Variants in NAALADL2 observed in about 807,000 individuals in gnomAD.
The protein encoded by NAALADL2 is N-acetylated alpha-linked acidic dipeptidase like 2.
NAALADL2 carries 76 observed loss-of-function variants against 87.2 expected under a neutral mutation model. That is an observed-to-expected ratio of 0.87 (90% CI 0.72 to 1.05). The LOEUF (loss-of-function observed/expected upper bound fraction) is 1.05. Ranked by LOEUF, NAALADL2 falls within the 50% of genes least tolerant of loss-of-function variation. The probability of loss-of-function intolerance (pLI) is 0.00; values close to 1 mark genes in which losing one functional copy is unlikely to be tolerated. For synonymous variants in NAALADL2, 354 were observed against 331.0 expected (o/e 1.07, Z -0.75); for missense variants, 1,089 against 945.8 (o/e 1.15, Z -1.99).
chr3:175,577,503 G>T (rs1719070383), intron 10 of NAALADL2, among the ~76,000 whole-genome samples: 1 of 152,160 alleles, frequency 6.6e-6, no homozygotes. Flanking sequence ...AGGATCTGAG[G>T]TGTTAATAGG....
At chr3:175,440,060 G>A (rs748945387) in intron 5 of NAALADL2, among the ~76,000 whole-genome samples, 1 of 152,094 alleles carries the variant, frequency 6.6e-6, no homozygotes. Flanking sequence ...GTTGATTTTT[G>A]TATAAGATGA....
chr3:175,568,931 AAC>A (rs1717626295), intron 9 of NAALADL2, among the ~76,000 whole-genome samples: 1 of 152,216 alleles, frequency 6.6e-6, no homozygotes, highest in African/African-American at 2.4e-5. Flanking sequence ...ATGATATAAA[AAC>A]ATGATTTTAT....
intron 1 of NAALADL2, among the ~76,000 whole-genome samples, chr3:174,939,314 C>A (rs1738217059): frequency 6.6e-6 from 1 of 151,816 alleles, no homozygotes; most frequent in Non-Finnish European, 1.5e-5. Context: ...ATCAGGTGGT[C>A]ATAGGTATGT....
At chr3:174,654,501 G>A (rs985281255) in intron 2 of NAALADL2, among the ~76,000 whole-genome samples, 11 of 151,996 alleles carry the variant, frequency 7.2e-5, no homozygotes, top group African/African-American at 2.7e-4. Flanking sequence ...ATAATTGTCA[G>A]ATAGATGAGA....
intron 2 of NAALADL2, among the ~76,000 whole-genome samples, chr3:175,143,902 T>C (rs7651841): frequency 0.29 from 44,415 of 151,600 alleles, 6,601 homozygotes; most frequent in Middle Eastern, 0.38. Context: ...TCTACTTCAC[T>C]ATGCTGGCTT....
intron 2 of NAALADL2, among the ~76,000 whole-genome samples, chr3:174,669,638 CTG>C (rs1726331046): frequency 6.6e-6 from 1 of 152,014 alleles, no homozygotes. Flanking sequence ...GTTTTGAGGA[CTG>C]TAGCTTTCTG....
chr3:175,203,087 C>T (rs1740299992), intron 2 of NAALADL2, among the ~76,000 whole-genome samples: 1 of 152,094 alleles, frequency 6.6e-6, no homozygotes, highest in African/African-American at 2.4e-5. Flanking sequence ...CTTGGTTCTT[C>T]CCACACCTAT....
chr3:175,444,432 C>G (rs140943499), intron 5 of NAALADL2, among the ~76,000 whole-genome samples: 39 of 152,264 alleles, frequency 2.6e-4, no homozygotes, highest in Non-Finnish European at 1.5e-4. Context: ...AGGCTCATCA[C>G]TTTTGGCTGA....
rs1754982494 is a variant in NAALADL2 at position 175,809,498 on chromosome 3, A to G, written c.*6295A>G. The G allele has an allele frequency of 7.6e-6, 1 of 131,270 alleles. No individual in the cohort carries two copies. Among genetic ancestry groups the G allele is most frequent in the African/African-American group, 2.9e-5 (1 of 34,820 alleles). 8.1% of individuals were successfully genotyped at this position (131,270 alleles called of 1,614,324 possible). ...AAAATAGCCTGGGCAACAAAGTGAG[A>G]CCCTGTCTCTCTTAAAAAAAAAAAA... On this transcript the variant is annotated 3_prime_UTR_variant, in exon 14 of 14. Coordinates refer to ENST00000454872, the MANE Select transcript of NAALADL2 (RefSeq NM_207015.3).
chr3:174,975,838 A>G (rs763796839), intron 1 of NAALADL2, among the ~76,000 whole-genome samples: 8 of 152,202 alleles, frequency 5.3e-5, no homozygotes, highest in Non-Finnish European at 8.8e-5. Context: ...AACCACAAGG[A>G]ACTAAATTCT....
At chr3:175,307,086 T>C (rs1410312668) in intron 4 of NAALADL2, among the ~76,000 whole-genome samples, 1 of 152,168 alleles carries the variant, frequency 6.6e-6, no homozygotes, top group African/African-American at 2.4e-5. Flanking sequence ...TTTTCCATTT[T>C]AAAATTTGTT....
intron 2 of NAALADL2, among the ~76,000 whole-genome samples, chr3:175,208,716 T>C (rs1741328803): frequency 6.6e-6 from 1 of 152,162 alleles, no homozygotes; most frequent in Non-Finnish European, 1.5e-5. Context: ...GGTTGAACTA[T>C]AAAACTCAAT....
At position 174,588,494 on chromosome 3, in the gene NAALADL2, C is replaced by G. The variant is rs185538195; in HGVS notation, c.-115+37857C>G. On this transcript the variant is annotated intron_variant, in intron 2 of 3. Transcript: ENST00000434257. Reference sequence around the variant, plus strand: ...TCAGCTTTTCTGCTCTGGTTTTTCCCCATCTTCATTGTTTTATCTACCTTT... The same window carrying G: ...TCAGCTTTTCTGCTCTGGTTTTTCCGCATCTTCATTGTTTTATCTACCTTT... Among the ~76,000 whole-genome samples the G allele has an allele frequency of 4.5e-4, 69 of 152,248 alleles. 1 individual carries two copies. The highest frequency in any genetic ancestry group is 5.0e-4 in the Non-Finnish European group (34 of 68,014).
chr3:174,587,735 C>T (rs1007244318), intron 2 of NAALADL2, among the ~76,000 whole-genome samples: 3 of 152,130 alleles, frequency 2.0e-5, no homozygotes, highest in African/African-American at 4.8e-5. Flanking sequence ...GAGTTTCTGC[C>T]GAGAGATCCA....
At chr3:174,967,887 A>G (rs931212188) in intron 1 of NAALADL2, among the ~76,000 whole-genome samples, 1 of 152,226 alleles carries the variant, frequency 6.6e-6, no homozygotes, top group Non-Finnish European at 1.5e-5. Context: ...GTTGTTATGC[A>G]GCAATACACA....
At chr3:175,751,695 T>A (rs1201534874) in intron 12 of NAALADL2, among the ~76,000 whole-genome samples, 1 of 152,090 alleles carries the variant, frequency 6.6e-6, no homozygotes, top group Admixed American at 6.6e-5. Flanking sequence ...AAAAAATAGT[T>A]GTATTAACTC....
intron 5 of NAALADL2, among the ~76,000 whole-genome samples, chr3:175,349,758 A>T (rs184461034): frequency 1.3e-5 from 2 of 152,290 alleles, no homozygotes; most frequent in East Asian, 3.9e-4. Context: ...GCACCATAGT[A>T]GCCATATACC....
chr3:175,263,575 A>AT (rs1751446380), intron 4 of NAALADL2, among the ~76,000 whole-genome samples: 1 of 151,888 alleles, frequency 6.6e-6, no homozygotes, highest in Non-Finnish European at 1.5e-5. Flanking sequence ...CAGAAGGTTG[A>AT]TTTTCGCATA....
At chr3:174,722,427 G>T (rs949447986) in intron 2 of NAALADL2, among the ~76,000 whole-genome samples, 5 of 152,190 alleles carry the variant, frequency 3.3e-5, no homozygotes, top group African/African-American at 4.8e-5. Flanking sequence ...GGTGGGCTGG[G>T]TGTGGTTGCT....
Sources: allele counts gnomAD v4.1 joint callset (sites outside exome capture counted in the v4.1 genomes callset), GRCh38; gene constraint gnomAD v4.1.1; transcripts MANE v1.5; gene names NCBI Gene and HGNC (gene_info 2026-07-23, HGNC 2026-07-21).